The following ELP1 variants were observed in gnomAD, a reference collection of about 807,000 sequenced individuals.
ELP1 encodes the protein elongator complex protein 1.
A neutral mutation model predicts 183.2 loss-of-function variants in ELP1; 131 were observed. The observed-to-expected ratio is 0.72, with a 90% CI of 0.62 to 0.83. ELP1 has a LOEUF of 0.83. ELP1 is among the 40% of genes least tolerant of loss of function. The pLI, the probability that ELP1 is intolerant of heterozygous loss-of-function variation, is 0.00. For synonymous variants in ELP1, 555 were observed against 569.0 expected (o/e 0.98, Z 0.35); for missense variants, 1,550 against 1,594.9 (o/e 0.97, Z 0.48).
chr9:108,906,966 C>T (rs949431683), intron 13 of ELP1, among the ~76,000 whole-genome samples: 3 of 152,186 alleles, frequency 2.0e-5, no homozygotes, highest in African/African-American at 7.2e-5. Context: ...CTGACCAGCG[C>T]ACTGTTCTTG....
In ELP1 at chr9:108,912,337, A is replaced by G. The variant is rs144878787; in HGVS notation, c.1116T>C (p.Asp372=). The change falls in exon 11 of 37, where the codon GAT becomes GAC. Residue 372 remains aspartate (D), a synonymous_variant. Transcript: ENST00000374647. ...CGCTCCGGTCAGTCGTCCAGTGCCA[A>G]TCATAGGCGAGGTAATGCCAGCCCT... ...LCQGWHYLAY[D]WHWTTDRSVG... The G allele has an allele frequency of 8.1e-6, 13 of 1,614,184 alleles. No individual in the cohort carries two copies. Among genetic ancestry groups the G allele is most frequent in the East Asian group, 6.7e-5 (3 of 44,876 alleles).
At position 108,918,912 on chromosome 9, in the gene ELP1, G is replaced by A. The variant is rs753289741; in HGVS notation, c.650-11C>T. ...TGACCTTCCGAGCCCCTGTGCGGGAGTGGAGTCAAACACACATACACACTT... is the reference window on the plus strand; with the variant it reads ...TGACCTTCCGAGCCCCTGTGCGGGAATGGAGTCAAACACACATACACACTT... On this transcript the variant is annotated splice_polypyrimidine_tract_variant and intron_variant, in intron 7 of 36. Transcript: ENST00000374647. The A allele has an allele frequency of 2.6e-5, 42 of 1,607,328 alleles. No individual in the cohort carries two copies. The South Asian group carries it at 4.5e-4, about 17-fold the overall frequency.
rs1191851631 is a variant in ELP1, at chr9:108,900,218, A to G, written c.2130+42T>C. ...AGAATTATGCTTGGTACTTGGCTGAATGACAATCAGACTATCTATCTTGTC... is the reference window on the plus strand; with the variant it reads ...AGAATTATGCTTGGTACTTGGCTGAGTGACAATCAGACTATCTATCTTGTC... On this transcript the variant is annotated intron_variant, in intron 19 of 36. Coordinates refer to ENST00000374647, the MANE Select transcript of ELP1 (RefSeq NM_003640.5). 3 of 1,348,670 alleles carry G rather than the reference A, an allele frequency of 2.2e-6. No homozygotes were observed. In the African/African-American group the frequency reaches 4.3e-5, roughly 19 times the overall value. 83.5% of individuals were successfully genotyped at this position (1,348,670 alleles called of 1,614,324 possible).
At position 108,900,459 on chromosome 9, in the gene ELP1, T is replaced by C; in HGVS notation, c.2015-84A>G. The C allele has an allele frequency of 5.3e-6, 5 of 947,200 alleles. No homozygotes were observed. In the East Asian group the frequency reaches 9.9e-5, roughly 19 times the overall value. The allele number at this position is 947,200 out of a possible 1,614,324, so 58.7% of individuals were successfully genotyped here. A position where few individuals can be genotyped will look rare whatever the true frequency, so the allele number is the denominator to read the frequency against. The stretch of plus-strand genomic sequence containing the variant: ...TGCAATTGAAACCGCACACATTATG[T>C]GAAATAGAAGAGAACAAATAACAAC... On this transcript the variant is annotated intron_variant, in intron 18 of 36. Coordinates refer to ENST00000374647, the MANE Select transcript of ELP1 (RefSeq NM_003640.5).
At position 108,897,252 on chromosome 9, in the gene ELP1, T is replaced by G; in HGVS notation, c.2397A>C (p.Ala799=). 1 of 1,614,180 alleles carries G rather than the reference T, an allele frequency of 6.2e-7. No homozygotes were observed. The highest frequency in any genetic ancestry group is 1.1e-5 in the South Asian group (1 of 91,080). ...ACAGGTAGACACTGCTGGTAACTGG[T>G]GCAGGGTACATGGTCTTCGTGACAT... is the stretch of plus-strand genomic sequence containing the variant. ...EEDVTKTMYP[A]PVTSSVYLSR... is the part of the protein sequence containing the mutation. The change falls in exon 23 of 37, where the codon GCA becomes GCC. Residue 799 remains alanine (A), a synonymous_variant. Coordinates refer to ENST00000374647, the MANE Select transcript of ELP1 (RefSeq NM_003640.5).
At position 108,897,222 on chromosome 9, in the gene ELP1, C is replaced by G; in HGVS notation, c.2427G>C (p.Arg809Ser). 1 of 1,614,094 alleles carries G rather than the reference C, an allele frequency of 6.2e-7. No individual in the cohort carries two copies. The highest frequency in any genetic ancestry group is 1.1e-5 in the South Asian group (1 of 91,058). The change falls in exon 23 of 37, where the codon AGG (arginine) becomes AGC (serine). Residue 809 changes from arginine (R) to serine (S), a missense_variant. By Grantham distance (110) the Arg-to-Ser change is moderately radical (BLOSUM62 -1). Coordinates refer to ENST00000374647, the MANE Select transcript of ELP1 (RefSeq NM_003640.5). ...APVTSSVYLS[R>S]DPDGNKIDLV... The stretch of plus-strand genomic sequence containing the variant: ...GGTCTATTTTATTCCCGTCAGGATC[C>G]CTGGACAGGTAGACACTGCTGGTAA...
At position 108,912,508 on chromosome 9, in the gene ELP1, T is replaced by C; in HGVS notation, c.959-14A>G. 1.3e-6 allele frequency: 2 copies of C among 1,589,840 alleles called. No individual in the cohort carries two copies. Among genetic ancestry groups the C allele is most frequent in the Non-Finnish European group, 1.7e-6 (2 of 1,158,322 alleles). Reference sequence around the variant, plus strand: ...TCCAGAGCTGAACTGCAAGGGAAAATGAAAAGAAGGCCGTTAGAGGCTGGG... The same window carrying C: ...TCCAGAGCTGAACTGCAAGGGAAAACGAAAAGAAGGCCGTTAGAGGCTGGG... On this transcript the variant is annotated splice_polypyrimidine_tract_variant and intron_variant, in intron 10 of 36. Transcript: ENST00000374647.
At chr9:108,872,831 A>AAAAAAAAAAAAAAAAT (rs1827537249) in intron 36 of ELP1, among the ~76,000 whole-genome samples, 1 of 146,664 alleles carries the variant, frequency 6.8e-6, no homozygotes, top group African/African-American at 2.5e-5. Context: ...AAAAAAAAAA[A>AAAAAAAAAAAAAAAAT]AAAAAAAACT....
intron 31 of ELP1, among the ~76,000 whole-genome samples, 176 bp downstream of exon 31, chr9:108,881,529 T>C (rs978091663): frequency 6.6e-6 from 1 of 152,224 alleles, no homozygotes; most frequent in Admixed American, 6.5e-5. Flanking sequence ...TACCATTTAA[T>C]AGTTCAGCAT....
At chr9:108,910,300 T>C (rs571788233) in intron 12 of ELP1, among the ~76,000 whole-genome samples, 1 of 152,356 alleles carries the variant, frequency 6.6e-6, no homozygotes, top group Non-Finnish European at 1.5e-5. Flanking sequence ...GAAAAGCTGA[T>C]ATGAAAGTAA....
At chr9:108,914,233 A>T (rs909324171) in intron 10 of ELP1, among the ~76,000 whole-genome samples, 20 of 151,946 alleles carry the variant, frequency 1.3e-4, no homozygotes, top group Non-Finnish European at 2.6e-4. Flanking sequence ...CCCTGCCTCT[A>T]CCAAAAATAC....
chr9:108,916,165 T>C (rs767542983), intron 10 of ELP1, 39 bp downstream of exon 10: 2 of 1,485,076 alleles, frequency 1.3e-6, no homozygotes, highest in Non-Finnish European at 1.9e-6. Context: ...TCAACTACGT[T>C]TTATGGGGCA....
intron 1 of ELP1, 124 bp from the exon 2 acceptor site, chr9:108,931,325 C>T: frequency 3.1e-6 from 2 of 636,378 alleles, no homozygotes; most frequent in Non-Finnish European, 5.5e-6. Flanking sequence ...ACTTACCTCT[C>T]TGAGTACACA....
intron 32 of ELP1, among the ~76,000 whole-genome samples, chr9:108,879,826 T>G (rs1827852112): frequency 1.3e-5 from 2 of 151,960 alleles, no homozygotes; most frequent in Admixed American, 6.6e-5. Flanking sequence ...TGAATGGGGG[T>G]AGGTGGGAAT....
At position 108,912,305 on chromosome 9, in the gene ELP1, T is replaced by C; in HGVS notation, c.1148A>G (p.Asp383Gly). The part of the protein sequence containing the change: ...WHWTTDRSVG[D>G]NSSDLSNVAV... ...CACATTGGACAAGTCACTTGAATTA[T>C]CTCCCACGCTCCGGTCAGTCGTCCA... The change falls in exon 11 of 37, where the codon GAT becomes GGT. Residue 383 changes from aspartate (D) to glycine (G), a missense_variant. Coordinates refer to ENST00000374647, the MANE Select transcript of ELP1 (RefSeq NM_003640.5). 6.2e-7 allele frequency: 1 copy of C among 1,614,152 alleles called. No individual in the cohort carries two copies.
rs536092661 is a variant in ELP1 at position 108,912,696 on chromosome 9, T to A, written c.959-202A>T. On this transcript the variant is annotated intron_variant, in intron 10 of 36. Transcript: ENST00000374647. ...TCAAGAATCAATAAGGTCAGAAATA[T>A]ATGTTTATTTTCTTGTTTTTTTTCT... Among the ~76,000 whole-genome samples, 11 of 152,028 alleles carry A rather than the reference T, an allele frequency of 7.2e-5. No individual in the cohort carries two copies. In the East Asian group the frequency reaches 2.1e-3, roughly 29 times the overall value.
chr9:108,910,874 T>C (rs1346637406), intron 12 of ELP1, 136 bp downstream of exon 12: 5 of 679,760 alleles, frequency 7.4e-6, no homozygotes, highest in Non-Finnish European at 1.0e-5. Flanking sequence ...AATATCATAA[T>C]GATAATGATA....
At chr9:108,916,850 G>T (rs1829453401) in intron 9 of ELP1, among the ~76,000 whole-genome samples, 2 of 152,138 alleles carry the variant, frequency 1.3e-5, no homozygotes, top group South Asian at 4.1e-4. Context: ...AACTTAGGAT[G>T]TTTAAAATTT....
At chr9:108,933,297 A>T (rs542583479) in intron 1 of ELP1, among the ~76,000 whole-genome samples, 1 of 152,318 alleles carries the variant, frequency 6.6e-6, no homozygotes, top group South Asian at 2.1e-4. Flanking sequence ...TTCATTGATT[A>T]GTTCCGTGGC....
Sources: allele counts gnomAD v4.1 joint callset (sites outside exome capture counted in the v4.1 genomes callset), GRCh38; gene constraint gnomAD v4.1.1; transcripts MANE v1.5; gene names NCBI Gene and HGNC (gene_info 2026-07-23, HGNC 2026-07-21).